XIRP2: variants seen among roughly 807,000 people sequenced by gnomAD.
The protein encoded by XIRP2 is xin actin-binding repeat-containing protein 2.
In XIRP2, 236 loss-of-function variants were observed where a neutral mutation model predicts 277.0. The observed-to-expected ratio is 0.85, with a 90% CI of 0.77 to 0.95. The LOEUF is 0.95. Ranked by LOEUF, XIRP2 falls within the 40% of genes least tolerant of loss-of-function variation. The pLI, the probability that XIRP2 is intolerant of heterozygous loss-of-function variation, is 0.00. For missense variants in XIRP2, 4,640 were observed against 4,157.5 expected, an observed-to-expected ratio of 1.12 and a Z score of -3.19; for synonymous variants, 1,490 against 1,416.5, an observed-to-expected ratio of 1.05 and a Z score of -1.17.
intron 5 of XIRP2, among the ~76,000 whole-genome samples, chr2:167,223,682 C>T (rs976215340): frequency 3.3e-5 from 5 of 152,292 alleles, no homozygotes; most frequent in Admixed American, 2.6e-4. Flanking sequence ...CTCCCTGCCA[C>T]GTACATAATT....
intron 2 of XIRP2, among the ~76,000 whole-genome samples, chr2:166,913,394 G>A (rs1282232601): frequency 6.6e-6 from 1 of 152,124 alleles, no homozygotes; most frequent in African/African-American, 2.4e-5. Context: ...GTGGGCGTGG[G>A]ACCCTCTGAG....
intron 2 of XIRP2, among the ~76,000 whole-genome samples, chr2:166,909,625 T>A (rs1684642132): frequency 1.3e-5 from 2 of 152,222 alleles, no homozygotes; most frequent in African/African-American, 2.4e-5. Context: ...TCTTGCCTGA[T>A]TGCCCTAGCC....
intron 2 of XIRP2, among the ~76,000 whole-genome samples, chr2:167,024,177 T>C (rs1017981347): frequency 3.9e-5 from 6 of 152,172 alleles, no homozygotes; most frequent in Admixed American, 2.0e-4. Flanking sequence ...ACGTCCCTTT[T>C]AAGTTGGATT....
At chr2:167,038,652 G>T (rs138857937) in intron 2 of XIRP2, among the ~76,000 whole-genome samples, 226 of 151,242 alleles carry the variant, frequency 1.5e-3, no homozygotes, top group Non-Finnish European at 2.9e-3. Context: ...ATAAATATAA[G>T]TATTTATTAT....
chr2:167,156,689 A>G (rs1277833946), intron 3 of XIRP2, among the ~76,000 whole-genome samples: 1 of 152,174 alleles, frequency 6.6e-6, no homozygotes, highest in East Asian at 1.9e-4. Flanking sequence ...CATAAATTTA[A>G]ATGATAAGCT....
In XIRP2 at chr2:167,243,201, T is replaced by C; in HGVS notation, c.1809T>C (p.Ile603=). The C allele has an allele frequency of 6.2e-7, 1 of 1,614,134 alleles. No homozygotes were observed. The highest frequency in any genetic ancestry group is 8.5e-7 in the Non-Finnish European group (1 of 1,180,002). Residue 603 remains isoleucine, a synonymous_variant, in exon 9 of 11, where the codon ATT becomes ATC. Coordinates refer to ENST00000409195, the MANE Select transcript of XIRP2 (RefSeq NM_152381.6). The stretch of plus-strand genomic sequence containing the variant: ...ATGAAGGTGATATTTCCAGGGGCAT[T>C]GCTGATCAAGAAATCATTGCTGGTG... ...SPDEGDISRG[I]ADQEIIAGGD...
intron 3 of XIRP2, among the ~76,000 whole-genome samples, chr2:167,168,775 C>G (rs184395871): frequency 0.025 from 3,846 of 152,008 alleles, 67 homozygotes; most frequent in East Asian, 0.048. Flanking sequence ...CCACCACGCC[C>G]GGCTAATTTT....
At chr2:167,115,230 T>C (rs1210309473) in intron 2 of XIRP2, among the ~76,000 whole-genome samples, 1 of 152,208 alleles carries the variant, frequency 6.6e-6, no homozygotes, top group African/African-American at 2.4e-5. Flanking sequence ...TTTGTATAAT[T>C]GCTATTTTGC....
chr2:166,932,880 A>G (rs1276799890), intron 2 of XIRP2, among the ~76,000 whole-genome samples: 1 of 152,142 alleles, frequency 6.6e-6, no homozygotes, highest in Non-Finnish European at 1.5e-5. Context: ...TTTTGAACCA[A>G]CTATTCTATT....
chr2:167,016,759 T>C (rs1687836708), intron 2 of XIRP2, among the ~76,000 whole-genome samples: 1 of 151,694 alleles, frequency 6.6e-6, no homozygotes, highest in African/African-American at 2.4e-5. Flanking sequence ...AGGAAAGAGG[T>C]AAGGAAGGAG....
chr2:167,244,957 G>A lies in XIRP2; in HGVS notation c.3565G>A (p.Glu1189Lys). 1 of 1,612,700 alleles carries A rather than the reference G, an allele frequency of 6.2e-7. No individual in the cohort carries two copies. Among genetic ancestry groups the A allele is most frequent in the African/African-American group, 1.3e-5 (1 of 74,896 alleles). Residue 1189 changes from glutamate to lysine, a missense_variant, in exon 9 of 11, where the codon GAA becomes AAA. Transcript: ENST00000409195. ...AGAAGTGAAGGAAATCAAGCCTGTT[G>A]AAATGGATATACAAGCTGGAGATGT... ...GEEVKEIKPVEMDIQAGDVSS... is the reference protein window; with the variant it reads ...GEEVKEIKPVKMDIQAGDVSS...
At chr2:167,111,115 T>G (rs1690741965) in intron 2 of XIRP2, among the ~76,000 whole-genome samples, 1 of 152,158 alleles carries the variant, frequency 6.6e-6, no homozygotes, top group Non-Finnish European at 1.5e-5. Flanking sequence ...TTACGTCAAC[T>G]GCAAAGAGGA....
intron 3 of XIRP2, among the ~76,000 whole-genome samples, chr2:167,179,056 A>G (rs1290960994): frequency 1.3e-5 from 2 of 152,176 alleles, no homozygotes; most frequent in Non-Finnish European, 2.9e-5. Context: ...AGATCCTTGA[A>G]TCATTACATT....
rs1046762170 is a variant in XIRP2 at position 167,243,449 on chromosome 2, G to A, written c.2057G>A (p.Gly686Glu). The A allele has an allele frequency of 1.1e-5, 17 of 1,613,972 alleles. No homozygotes were observed. The East Asian group carries it at 3.6e-4, about 34-fold the overall frequency. ...GTAACTATCAGTAAGGACATAACTGGGGGGGATGTCAAGACTGTGAGATAC... is the reference window on the plus strand; with the variant it reads ...GTAACTATCAGTAAGGACATAACTGAGGGGGATGTCAAGACTGTGAGATAC... ...SAVTISKDIT[G>E]GDVKTVRYMF... The change falls in exon 9 of 11, where the codon GGG (glycine) becomes GAG (glutamate). Residue 686 changes from glycine (G) to glutamate (E), a missense_variant. Gly to Glu is a moderately conservative substitution (Grantham distance 98). Transcript: ENST00000409195.
chr2:167,033,784 T>C (rs1421793872), intron 2 of XIRP2, among the ~76,000 whole-genome samples: 2 of 152,092 alleles, frequency 1.3e-5, no homozygotes, highest in Admixed American at 1.3e-4. Flanking sequence ...TGGGAAAATA[T>C]CATTCAAACA....
At chr2:166,891,036 G>T (rs1376351444) in intron 1 of XIRP2, among the ~76,000 whole-genome samples, 1 of 152,134 alleles carries the variant, frequency 6.6e-6, no homozygotes, top group South Asian at 2.1e-4. Flanking sequence ...TTGGTGTCTT[G>T]TAGCTGCTAT....
chr2:167,097,055 T>G (rs571255657), intron 2 of XIRP2, among the ~76,000 whole-genome samples: 1 of 152,204 alleles, frequency 6.6e-6, no homozygotes, highest in South Asian at 2.1e-4. Context: ...TATATGTCAA[T>G]TAGGTTCACT....
At chr2:167,025,291 G>A (rs1264039064) in intron 2 of XIRP2, among the ~76,000 whole-genome samples, 8 of 152,014 alleles carry the variant, frequency 5.3e-5, no homozygotes, top group Admixed American at 1.3e-4. Flanking sequence ...CTGTGGGATC[G>A]GTGGTAATAT....
chr2:167,111,790 A>T (rs1690763453), intron 2 of XIRP2, among the ~76,000 whole-genome samples: 2 of 152,100 alleles, frequency 1.3e-5, no homozygotes, highest in African/African-American at 4.8e-5. Flanking sequence ...GTATAAATTC[A>T]TCTGGTCCTG....
Sources: allele counts gnomAD v4.1 joint callset (sites outside exome capture counted in the v4.1 genomes callset), GRCh38; gene constraint gnomAD v4.1.1; transcripts MANE v1.5; gene names NCBI Gene and HGNC (gene_info 2026-07-23, HGNC 2026-07-21).